KHDRBS2: variants seen among roughly 807,000 people sequenced by gnomAD.
KHDRBS2 encodes KH domain-containing, RNA-binding, signal transduction-associated protein 2.
In KHDRBS2, 26 loss-of-function variants were observed where a neutral mutation model predicts 44.3. The ratio of observed to expected loss-of-function variants is 0.59; its 90% CI spans 0.43 to 0.81. The LOEUF (loss-of-function observed/expected upper bound fraction) is 0.81, where lower values mean the gene tolerates loss of function less well. Among genes scored for constraint, KHDRBS2 ranks in the 40% least tolerant of loss-of-function variants. The pLI, the probability that KHDRBS2 is intolerant of heterozygous loss-of-function variation, is 0.00. For synonymous variants in KHDRBS2, 194 were observed against 151.1 expected, an observed-to-expected ratio of 1.28 and a Z score of -2.08; for missense variants, 476 against 433.1, an observed-to-expected ratio of 1.10 and a Z score of -0.88.
chr6:61,954,398 T>TGTATGCATGCATACATATATACGC (rs1765546625), intron 4 of KHDRBS2, among the ~76,000 whole-genome samples: 2 of 91,068 alleles, frequency 2.2e-5, no homozygotes, highest in African/African-American at 6.3e-5. Flanking sequence ...CATATATACG[T>TGTATGCATGCATACATATATACGC]ATGTATGCAT....
chr6:61,961,463 G>A (rs1423133071), intron 4 of KHDRBS2, among the ~76,000 whole-genome samples: 1 of 151,530 alleles, frequency 6.6e-6, no homozygotes, highest in East Asian at 1.9e-4. Flanking sequence ...AGAGATGGAG[G>A]AAGGAAGGAA....
chr6:61,940,373 TG>T (rs1811900943), intron 4 of KHDRBS2, among the ~76,000 whole-genome samples: 2 of 152,134 alleles, frequency 1.3e-5, no homozygotes, highest in Admixed American at 6.5e-5. Flanking sequence ...CATGGACTCC[TG>T]CAATCCTAGC....
At chr6:61,988,436 A>C (rs575508969) in intron 3 of KHDRBS2, among the ~76,000 whole-genome samples, 205 of 152,320 alleles carry the variant, frequency 1.3e-3, no homozygotes, top group African/African-American at 4.8e-3. Flanking sequence ...ATCTTCTCTT[A>C]TCTTTTCTTT....
chr6:61,754,998 T>G (rs1441720866), intron 6 of KHDRBS2, among the ~76,000 whole-genome samples: 1 of 152,138 alleles, frequency 6.6e-6, no homozygotes, highest in Non-Finnish European at 1.5e-5. Flanking sequence ...AACATAATAT[T>G]TATTTGAGCT....
chr6:61,617,962 A>C, the KHDRBS2 span, among the ~76,000 whole-genome samples: 7 of 152,182 alleles, frequency 4.6e-5, no homozygotes, highest in African/African-American at 1.7e-4. Context: ...GAAAATTTGC[A>C]CTATTTTAGA....
chr6:61,954,576 A>ATACATATATAT (rs1294623650), intron 4 of KHDRBS2, among the ~76,000 whole-genome samples: 50 of 138,028 alleles, frequency 3.6e-4, no homozygotes, highest in Admixed American at 7.9e-4. Context: ...ATACGTATGT[A>ATACATATATAT]GACATATTTA....
intron 5 of KHDRBS2, among the ~76,000 whole-genome samples, chr6:61,897,999 A>G (rs1583399197): frequency 1.3e-5 from 2 of 152,166 alleles, no homozygotes; most frequent in Non-Finnish European, 2.9e-5. Context: ...TACAATATAT[A>G]GATGTAATGC....
the KHDRBS2 span, among the ~76,000 whole-genome samples, chr6:61,585,656 G>A: frequency 6.6e-6 from 1 of 151,960 alleles, no homozygotes; most frequent in African/African-American, 2.4e-5. Flanking sequence ...CATCAAAGAG[G>A]TTATGGTAAA....
At chr6:62,139,211 A>G (rs949995531) in intron 2 of KHDRBS2, among the ~76,000 whole-genome samples, 1 of 152,178 alleles carries the variant, frequency 6.6e-6, no homozygotes, top group East Asian at 1.9e-4. Context: ...ATAAATATAT[A>G]TATTACTTTG....
intron 1 of KHDRBS2, among the ~76,000 whole-genome samples, chr6:62,187,292 T>C (rs1047100914): frequency 2.6e-5 from 4 of 152,094 alleles, no homozygotes; most frequent in Non-Finnish European, 4.4e-5. Flanking sequence ...ATTTGAATAA[T>C]AAAGCCCAGG....
intron 2 of KHDRBS2, among the ~76,000 whole-genome samples, chr6:62,137,848 T>C (rs1377048137): frequency 1.3e-5 from 2 of 152,220 alleles, no homozygotes; most frequent in South Asian, 4.1e-4. Flanking sequence ...AATATCCCAG[T>C]TCATATTCTG....
chr6:61,747,190 C>T (rs1310905771), intron 6 of KHDRBS2, among the ~76,000 whole-genome samples: 1 of 152,068 alleles, frequency 6.6e-6, no homozygotes, highest in African/African-American at 2.4e-5. Flanking sequence ...GAAACCAAAG[C>T]TTAAAATGTT....
At chr6:61,865,805 A>G (rs1797698026) in intron 6 of KHDRBS2, among the ~76,000 whole-genome samples, 1 of 152,240 alleles carries the variant, frequency 6.6e-6, no homozygotes, top group South Asian at 2.1e-4. Flanking sequence ...CAAAGGGGCT[A>G]CAGGCCCCAT....
At chr6:61,848,511 GTATATATGTA>G (rs1451085185) in intron 6 of KHDRBS2, among the ~76,000 whole-genome samples, 885 of 29,920 alleles carry the variant, frequency 0.03, 70 homozygotes, top group East Asian at 0.2. Flanking sequence ...ATATATATAT[GTATATATGTA>G]TATATATATA....
chr6:61,751,024 C>A (rs532285382), intron 6 of KHDRBS2, among the ~76,000 whole-genome samples: 1 of 151,892 alleles, frequency 6.6e-6, no homozygotes, highest in Admixed American at 6.6e-5. Context: ...AGTAAAAGAA[C>A]TTTGATTGAT....
At chr6:61,620,232 A>G in the KHDRBS2 span, among the ~76,000 whole-genome samples, 2 of 152,080 alleles carry the variant, frequency 1.3e-5, no homozygotes, top group African/African-American at 4.8e-5. Context: ...CTTTTCACTG[A>G]CTTTGGTAAT....
At chr6:62,217,619 T>C (rs1830236064) in intron 1 of KHDRBS2, among the ~76,000 whole-genome samples, 3 of 151,822 alleles carry the variant, frequency 2.0e-5, no homozygotes, top group African/African-American at 7.2e-5. Context: ...AAAAATGACA[T>C]TTAGGCTACA....
intron 6 of KHDRBS2, among the ~76,000 whole-genome samples, chr6:61,849,898 G>C (rs757833982): frequency 1.3e-5 from 2 of 152,108 alleles, no homozygotes; most frequent in Non-Finnish European, 2.9e-5. Context: ...GGAAGTGCTA[G>C]TATCCAAAAC....
chr6:61,877,310 A>C (rs1355501247), intron 6 of KHDRBS2, among the ~76,000 whole-genome samples: 5 of 152,046 alleles, frequency 3.3e-5, no homozygotes, highest in Non-Finnish European at 5.9e-5. Flanking sequence ...AAAATACATT[A>C]GAAAAAAGAT....
Sources: gnomAD v4.1 joint callset for allele counts (sites outside exome capture counted in the v4.1 genomes callset) on GRCh38, gnomAD v4.1.1 for gene constraint, MANE v1.5 for transcripts, NCBI Gene and HGNC (gene_info 2026-07-23, HGNC 2026-07-21) for gene names.